Variants in CATSPERE observed in about 807,000 individuals in gnomAD.
The protein encoded by CATSPERE is catsper channel auxiliary subunit epsilon.
In CATSPERE, 93 loss-of-function variants were observed where a neutral mutation model predicts 114.1. That is an observed-to-expected ratio of 0.81 (90% CI 0.69 to 0.97). CATSPERE has a LOEUF of 0.97. Ranked by LOEUF, CATSPERE falls within the 50% of genes least tolerant of loss-of-function variation. The pLI, the probability that CATSPERE is intolerant of heterozygous loss-of-function variation, is 0.00. For missense variants in CATSPERE, 1,058 were observed against 1,131.6 expected (o/e 0.93, Z 0.93); for synonymous variants, 341 against 384.1 (o/e 0.89, Z 1.31).
chr1:244,533,241 C>T (rs912682126), intron 8 of CATSPERE, among the ~76,000 whole-genome samples: 1 of 151,818 alleles, frequency 6.6e-6, no homozygotes, highest in Non-Finnish European at 1.5e-5. Context: ...TCAATTTATT[C>T]ATGTCTTTAT....
At chr1:244,612,676 T>C (rs1470317233) in intron 19 of CATSPERE, among the ~76,000 whole-genome samples, 1 of 152,124 alleles carries the variant, frequency 6.6e-6, no homozygotes, top group Non-Finnish European at 1.5e-5. Flanking sequence ...GATTGATTGA[T>C]TTTGAGATGA....
rs1199294523 is a variant in CATSPERE at position 244,526,412 on chromosome 1, G to GA, written c.536+7726dup. 9.8e-3 allele frequency among the ~76,000 whole-genome samples: 1,173 copies of GA among 119,848 alleles called. 14 individuals are homozygous for GA. The highest frequency in any genetic ancestry group is 0.031 in the African/African-American group (997 of 32,666). The allele number at this position is 119,848 out of a possible 152,430, so 78.6% of individuals were successfully genotyped here. Reference sequence around the variant, plus strand: ...TGACAATGAGACCCTGTATCAAAAAGAAAAAAAAAAAAGGAAAAGAAAATA... The same window carrying GA: ...TGACAATGAGACCCTGTATCAAAAAGAAAAAAAAAAAAAGGAAAAGAAAATA... On this transcript the variant is annotated intron_variant, in intron 8 of 21. Coordinates refer to ENST00000366534, the MANE Select transcript of CATSPERE (RefSeq NM_001130957.2).
intron 17 of CATSPERE, among the ~76,000 whole-genome samples, chr1:244,604,532 G>T (rs1028146103): frequency 5.3e-5 from 8 of 152,214 alleles, no homozygotes; most frequent in African/African-American, 1.9e-4. Context: ...CTGTTATTTT[G>T]TCTGATAGAC....
In CATSPERE at chr1:244,514,692, T is replaced by C. The variant is rs3003286; in HGVS notation, c.430-3900T>C. Among the ~76,000 whole-genome samples, 1,100 of 151,798 alleles carry C rather than the reference T, an allele frequency of 7.2e-3. 14 individuals are homozygous for C. Among genetic ancestry groups the C allele is most frequent in the African/African-American group, 0.025 (1,027 of 41,412 alleles). On this transcript the variant is annotated intron_variant, in intron 7 of 21. Transcript: ENST00000366534. ...AAAATACAAAAAATTAGCTGGGCGT[T>C]GTGGCAGGCACCTGTAGTCCCAGCT...
At chr1:244,547,806 G>C (rs2148483063) in intron 8 of CATSPERE, among the ~76,000 whole-genome samples, 1 of 152,274 alleles carries the variant, frequency 6.6e-6, no homozygotes, top group South Asian at 2.1e-4. Flanking sequence ...TTTTAAAATG[G>C]AAGTAGAATT....
At chr1:244,456,990 A>T (rs1666220506), upstream of CATSPERE, among the ~76,000 whole-genome samples, 1 of 152,212 alleles carries the variant, frequency 6.6e-6, no homozygotes, top group Non-Finnish European at 1.5e-5. Flanking sequence ...GTTAAAGGGA[A>T]TGTAATTTTG....
chr1:244,474,321 C>T (rs1486404210), intron 2 of CATSPERE, among the ~76,000 whole-genome samples: 8 of 152,174 alleles, frequency 5.3e-5, no homozygotes, highest in South Asian at 4.2e-4. Context: ...CGTGAGCCAC[C>T]GCACTCAGTT....
intron 19 of CATSPERE, chr1:244,610,621 G>T (rs6658178): frequency 1 from 436,659 of 438,170 alleles, 217,591 homozygotes; most frequent in East Asian, 1. Flanking sequence ...TTGTAAAGAC[G>T]ACCTAGCTCC....
At chr1:244,461,983 T>TA (rs964009056) in intron 1 of CATSPERE, among the ~76,000 whole-genome samples, 102 of 147,938 alleles carry the variant, frequency 6.9e-4, no homozygotes, top group South Asian at 2.8e-3. Context: ...TTGGCTAAAT[T>TA]AAAAAAAAAA....
At chr1:244,466,858 C>G (rs1021347047) in intron 2 of CATSPERE, among the ~76,000 whole-genome samples, 2 of 152,166 alleles carry the variant, frequency 1.3e-5, no homozygotes, top group African/African-American at 4.8e-5. Flanking sequence ...GGACAGAGGC[C>G]TTCCCCAAAA....
intron 8 of CATSPERE, among the ~76,000 whole-genome samples, chr1:244,524,457 G>A (rs928918472): frequency 6.6e-6 from 1 of 151,224 alleles, no homozygotes; most frequent in Non-Finnish European, 1.5e-5. Flanking sequence ...AACACCAAAA[G>A]CAATGGCAAC....
intron 5 of CATSPERE, among the ~76,000 whole-genome samples, chr1:244,488,713 C>A (rs1235478107): frequency 6.6e-6 from 1 of 152,204 alleles, no homozygotes; most frequent in African/African-American, 2.4e-5. Context: ...TTCTTCTTCC[C>A]TGTGCCTCTG....
In CATSPERE at chr1:244,517,369, C is replaced by G. The variant is rs3006044; in HGVS notation, c.430-1223C>G. Among the ~76,000 whole-genome samples the G allele has an allele frequency of 7.3e-3, 1,105 of 151,954 alleles. 23 individuals carry two copies. Among genetic ancestry groups the G allele is most frequent in the African/African-American group, 0.025 (1,030 of 41,346 alleles). ...ATTTACTCTTTCCTCAGCAGTTATA[C>G]AAAAGGTAGTTGTATTTAAAATTCT... On this transcript the variant is annotated intron_variant, in intron 7 of 21. Coordinates refer to ENST00000366534, the MANE Select transcript of CATSPERE (RefSeq NM_001130957.2).
At chr1:244,594,856 T>C (rs778499574) in intron 17 of CATSPERE, among the ~76,000 whole-genome samples, 3 of 152,198 alleles carry the variant, frequency 2.0e-5, no homozygotes, top group Non-Finnish European at 4.4e-5. Context: ...GACTCTACCA[T>C]GTGCCCTTTC....
chr1:244,640,002 A>G lies in CATSPERE; in HGVS notation c.2777A>G (p.Tyr926Cys). The G allele has an allele frequency of 6.5e-7, 1 of 1,549,984 alleles. No individual in the cohort carries two copies. The highest frequency in any genetic ancestry group is 1.4e-5 in the African/African-American group (1 of 72,684). The change falls in exon 22 of 22, where the codon TAC (tyrosine) becomes TGC (cysteine). Residue 926 changes from tyrosine (Y) to cysteine (C), a missense_variant. Coordinates refer to ENST00000366534, the MANE Select transcript of CATSPERE (RefSeq NM_001130957.2). ...LLFFTILVLS[Y>C]FRYMRIYRRY... ...TTCTTCACTATTCTTGTTTTGAGCT[A>G]CTTTCGGTACATGAGGATTTATAGA...
chr1:244,622,779 C>T (rs1266471376), intron 20 of CATSPERE, among the ~76,000 whole-genome samples: 1 of 152,130 alleles, frequency 6.6e-6, no homozygotes. Flanking sequence ...TCTTACTCAC[C>T]GACAAGAGTA....
intron 7 of CATSPERE, among the ~76,000 whole-genome samples, chr1:244,509,673 T>C (rs955363536): frequency 3.9e-5 from 6 of 152,132 alleles, no homozygotes; most frequent in African/African-American, 7.2e-5. Context: ...CTTTATAAGT[T>C]TGGTAAAATT....
At chr1:244,534,272 G>C (rs983567679) in intron 8 of CATSPERE, among the ~76,000 whole-genome samples, 1 of 151,922 alleles carries the variant, frequency 6.6e-6, no homozygotes, top group African/African-American at 2.4e-5. Flanking sequence ...TTGGTGTTCT[G>C]TAACCTTCTT....
Position 244,477,587 on chromosome 1 carries a change from C to G in CATSPERE, c.161C>G (p.Pro54Arg). 1 of 1,600,802 alleles carries G rather than the reference C, an allele frequency of 6.2e-7. No homozygotes were observed. Among genetic ancestry groups the G allele is most frequent in the Non-Finnish European group, 8.6e-7 (1 of 1,168,982 alleles). ...ACATTATTTACTGAGTGGAGTGTGC[C>G]AGAAACTTGTTTTGTGCTAAATAAA... ...EGTLFTEWSV[P>R]ETCFVLNKSS... The change falls in exon 3 of 22, where the codon CCA (proline) becomes CGA (arginine). Residue 54 changes from proline to arginine, a missense_variant. This residue lies in a region of CATSPERE where 271 missense variants were observed against 225.9 expected (regional missense o/e 1.20). Coordinates refer to ENST00000366534, the MANE Select transcript of CATSPERE (RefSeq NM_001130957.2).
Sources: gnomAD v4.1 joint callset for allele counts (sites outside exome capture counted in the v4.1 genomes callset) on GRCh38, gnomAD v4.1.1 for gene constraint, gnomAD v4.1.1 regional missense constraint, MANE v1.5 for transcripts, NCBI Gene and HGNC (gene_info 2026-07-23, HGNC 2026-07-21) for gene names.